PRMT8: variants seen among roughly 807,000 people sequenced by gnomAD.
PRMT8 encodes protein arginine methyltransferase 8, also known as protein arginine N-methyltransferase 8.
Under a neutral mutation model 47.1 loss-of-function variants are expected in PRMT8, and 7 were observed. That is an observed-to-expected ratio of 0.15 (90% confidence interval 0.08 to 0.28). The LOEUF (loss-of-function observed/expected upper bound fraction) is 0.28, where lower values mean the gene tolerates loss of function less well. PRMT8 is among the 10% of genes least tolerant of loss of function. The pLI is 1.00. For synonymous variants in PRMT8, 188 were observed against 186.5 expected (o/e 1.01, Z -0.07); for missense variants, 237 against 505.4 (o/e 0.47, Z 5.09).
rs2137110582 is a variant in PRMT8 at position 3,491,618 on chromosome 12, C to T, written c.-8C>T. On this transcript the variant is annotated 5_prime_UTR_variant, in exon 1 of 10. Transcript: ENST00000382622. ...TATCTCGGTATCACCAAACCCTTGC[C>T]GGCTCTTATGGGCATGAAACACTCC... 1 of 1,612,284 alleles carries T rather than the reference C, an allele frequency of 6.2e-7. No homozygotes were observed. Among genetic ancestry groups the T allele is most frequent in the Non-Finnish European group, 8.5e-7 (1 of 1,179,620 alleles).
At chr12:3,411,061 T>C (rs1864424218) in intron 1 of PRMT8, among the ~76,000 whole-genome samples, 1 of 152,238 alleles carries the variant, frequency 6.6e-6, no homozygotes. Flanking sequence ...CTTTGAGGCT[T>C]GGCTTCAGTC....
At chr12:3,481,615 G>C (rs1865274582) in intron 1 of PRMT8, among the ~76,000 whole-genome samples, 1 of 152,172 alleles carries the variant, frequency 6.6e-6, no homozygotes, top group African/African-American at 2.4e-5. Context: ...CAACAGCAGG[G>C]CTTCTGAAAG....
At chr12:3,464,216 A>C (rs1409421902) in intron 1 of PRMT8, among the ~76,000 whole-genome samples, 2 of 152,184 alleles carry the variant, frequency 1.3e-5, no homozygotes, top group African/African-American at 4.8e-5. Flanking sequence ...AAAGGAAGGG[A>C]ACAAAGTTAT....
intron 1 of PRMT8, among the ~76,000 whole-genome samples, chr12:3,419,030 C>T (rs1017804057): frequency 5.3e-5 from 8 of 152,312 alleles, no homozygotes; most frequent in African/African-American, 1.4e-4. Flanking sequence ...GTTGGGTTGC[C>T]CAGGCGATAC....
At chr12:3,481,486 C>G (rs1460643802) in intron 1 of PRMT8, among the ~76,000 whole-genome samples, 1 of 152,196 alleles carries the variant, frequency 6.6e-6, no homozygotes. Flanking sequence ...GAACTCTGAA[C>G]ACAGGGAGTG....
intron 1 of PRMT8, among the ~76,000 whole-genome samples, chr12:3,386,590 A>G (rs1321373680): frequency 6.6e-6 from 1 of 151,840 alleles, no homozygotes; most frequent in Non-Finnish European, 1.5e-5. Context: ...TTATCCATCC[A>G]CTTAGCTATT....
chr12:3,460,851 G>T (rs1237982100), intron 1 of PRMT8, among the ~76,000 whole-genome samples: 2 of 152,202 alleles, frequency 1.3e-5, no homozygotes, highest in Admixed American at 1.3e-4. Context: ...AGTGAAGAAT[G>T]ACCGTCTTAC....
intron 1 of PRMT8, among the ~76,000 whole-genome samples, chr12:3,401,273 C>T (rs1396716694): frequency 6.6e-6 from 1 of 150,926 alleles, no homozygotes; most frequent in African/African-American, 2.4e-5. Flanking sequence ...TAAAATTCAA[C>T]ATCACTTCAT....
At chr12:3,578,407 A>G (rs1320014290) in intron 7 of PRMT8, among the ~76,000 whole-genome samples, 1 of 147,652 alleles carries the variant, frequency 6.8e-6, no homozygotes, top group South Asian at 2.1e-4. Context: ...TTTTTTTTGT[A>G]TTAATGGGGT....
In PRMT8 at chr12:3,576,124, T is replaced by G. The variant is rs1252091473; in HGVS notation, c.713-747T>G. Among the ~76,000 whole-genome samples the G allele has an allele frequency of 6.6e-6, 1 of 152,208 alleles. No homozygotes were observed. The highest frequency in any genetic ancestry group is 3.2e-3 in the Middle Eastern group (1 of 316). On this transcript the variant is annotated intron_variant, in intron 6 of 9. Coordinates refer to ENST00000382622, the MANE Select transcript of PRMT8 (RefSeq NM_019854.5). The surrounding 1 kb of genome is among the most constrained non-coding windows in gnomAD (Gnocchi z 4.0). Reference sequence around the variant, plus strand: ...TCTCCCTCCCATACAAAGTATCTTATGAGTAGCCCAAAGGGGACAAGGAGC... The same window carrying G: ...TCTCCCTCCCATACAAAGTATCTTAGGAGTAGCCCAAAGGGGACAAGGAGC...
rs571864209 is a variant in PRMT8, at chr12:3,515,823, G to C, written c.75+24123G>C. On this transcript the variant is annotated intron_variant, in intron 1 of 9. Transcript: ENST00000382622. The stretch of plus-strand genomic sequence containing the variant: ...CACCCATGCATTGTCGTTAGTGCTG[G>C]CAGTTCCTATTTCCCATCTTCTGGT... Among the ~76,000 whole-genome samples, 16 of 152,348 alleles carry C rather than the reference G, an allele frequency of 1.1e-4. No homozygotes were observed. In the South Asian group the frequency reaches 3.3e-3, roughly 32 times the overall value.
chr12:3,386,704 CT>C lies in PRMT8; in HGVS notation c.48+5272del, dbSNP rs1041304124. ...AGGTGTTCATATGCTTGTCTACCTT[CT>C]TTTTTTTTTCTTTCTTTCTTTTTTT... On this transcript the variant is annotated intron_variant, in intron 1 of 9. Coordinates refer to the PRMT8 transcript ENST00000452611. Among the ~76,000 whole-genome samples the C allele has an allele frequency of 6.7e-3, 996 of 149,664 alleles. 12 individuals are homozygous for C. The highest frequency in any genetic ancestry group is 0.022 in the African/African-American group (917 of 40,844).
chr12:3,390,567 C>T (rs761881431), intron 1 of PRMT8, among the ~76,000 whole-genome samples: 9 of 152,234 alleles, frequency 5.9e-5, no homozygotes, highest in Non-Finnish European at 1.2e-4. Context: ...GCTACCATTA[C>T]GATTCCTGTT....
In PRMT8 at chr12:3,491,488, T is replaced by C; in HGVS notation, c.-138T>C. ...CAGAACAGACTCCGCTGTGGCTGAC[T>C]GTGCCGGCCGACGCTCCAGCTGAGG... On this transcript the variant is annotated 5_prime_UTR_variant, in exon 1 of 10. Coordinates refer to ENST00000382622, the MANE Select transcript of PRMT8 (RefSeq NM_019854.5). 6.9e-7 allele frequency: 1 copy of C among 1,441,508 alleles called. No individual in the cohort carries two copies. Among genetic ancestry groups the C allele is most frequent in the Non-Finnish European group, 9.1e-7 (1 of 1,100,934 alleles). 89.3% of individuals were successfully genotyped at this position (1,441,508 alleles called of 1,614,324 possible). A position where few individuals can be genotyped will look rare whatever the true frequency, so the allele number is the denominator to read the frequency against.
chr12:3,565,518 A>G (rs555086697), intron 4 of PRMT8, among the ~76,000 whole-genome samples: 9 of 152,334 alleles, frequency 5.9e-5, no homozygotes, highest in African/African-American at 2.2e-4. Context: ...CCATGTCCAC[A>G]CTGAGAAATG....
intron 1 of PRMT8, among the ~76,000 whole-genome samples, chr12:3,402,477 G>A (rs1303747206): frequency 1.3e-5 from 2 of 152,106 alleles, no homozygotes; most frequent in Non-Finnish European, 2.9e-5. Flanking sequence ...TTGACAAGTG[G>A]GATCTAATTA....
In PRMT8 at chr12:3,579,010, C is replaced by T. The variant is rs975170912; in HGVS notation, c.828+2024C>T. 2.6e-5 allele frequency among the ~76,000 whole-genome samples: 4 copies of T among 152,146 alleles called. 1 individual carries two copies. Among genetic ancestry groups the T allele is most frequent in the Non-Finnish European group, 5.9e-5 (4 of 68,028 alleles). ...GGGTCCAGGCAGGATTAATTGTGAG[C>T]AAATGTGTCCTTTTGTTTCTTTCTA... On this transcript the variant is annotated intron_variant, in intron 7 of 9. Coordinates refer to ENST00000382622, the MANE Select transcript of PRMT8 (RefSeq NM_019854.5).
At chr12:3,395,876 C>T (rs1417517756) in intron 1 of PRMT8, among the ~76,000 whole-genome samples, 5 of 152,122 alleles carry the variant, frequency 3.3e-5, no homozygotes, top group Non-Finnish European at 7.4e-5. Flanking sequence ...TCAGGACTTG[C>T]TTTATGAATC....
At chr12:3,397,381 G>A (rs1340111326) in intron 1 of PRMT8, among the ~76,000 whole-genome samples, 1 of 151,626 alleles carries the variant, frequency 6.6e-6, no homozygotes, top group African/African-American at 2.4e-5. Context: ...ATGTACTGAT[G>A]GGTTTTTGGT....
Sources: allele counts gnomAD v4.1 joint callset (sites outside exome capture counted in the v4.1 genomes callset), GRCh38; gene constraint gnomAD v4.1.1; non-coding constraint Gnocchi (gnomAD v3.1); transcripts MANE v1.5; gene names NCBI Gene and HGNC (gene_info 2026-07-23, HGNC 2026-07-21).